STXBP5L: variants seen among roughly 807,000 people sequenced by gnomAD.
The protein encoded by STXBP5L is syntaxin binding protein 5L.
Under a neutral mutation model 144.5 loss-of-function variants are expected in STXBP5L, and 65 were observed. The ratio of observed to expected loss-of-function variants is 0.45; its 90% CI spans 0.37 to 0.55. The LOEUF is 0.55. Among genes scored for constraint, STXBP5L ranks in the 20% least tolerant of loss-of-function variants. The probability of loss-of-function intolerance (pLI) is 0.00; values close to 1 mark genes in which losing one functional copy is unlikely to be tolerated. For missense variants in STXBP5L, 1,298 were observed against 1,405.5 expected (o/e 0.92, Z 1.22); for synonymous variants, 505 against 469.6 (o/e 1.08, Z -0.97).
chr3:121,340,301 TA>T (rs1428234528), intron 20 of STXBP5L, among the ~76,000 whole-genome samples: 2 of 152,044 alleles, frequency 1.3e-5, no homozygotes, highest in African/African-American at 4.8e-5. Flanking sequence ...CATGGAATAT[TA>T]TTTTTTTCAA....
At chr3:121,329,263 C>T (rs2108554331) in intron 20 of STXBP5L, among the ~76,000 whole-genome samples, 1 of 152,236 alleles carries the variant, frequency 6.6e-6, no homozygotes, top group South Asian at 2.1e-4. Context: ...CATCTGTCAA[C>T]CTCTTGATGT....
chr3:121,368,417 G>C (rs1330332819), intron 20 of STXBP5L, among the ~76,000 whole-genome samples: 3 of 151,148 alleles, frequency 2.0e-5, no homozygotes, highest in African/African-American at 7.3e-5. Context: ...AGTTCTTTAA[G>C]CATCATTAAG....
intron 19 of STXBP5L, among the ~76,000 whole-genome samples, chr3:121,283,680 A>G (rs2051134827): frequency 6.6e-6 from 1 of 152,054 alleles, no homozygotes; most frequent in African/African-American, 2.4e-5. Context: ...CTATATGCCC[A>G]CAAGGCCTAA....
At chr3:121,344,392 G>T (rs1277074818) in intron 20 of STXBP5L, among the ~76,000 whole-genome samples, 1 of 152,050 alleles carries the variant, frequency 6.6e-6, no homozygotes, top group Non-Finnish European at 1.5e-5. Flanking sequence ...AGCCAAAATT[G>T]ACAAATGGGA....
intron 20 of STXBP5L, among the ~76,000 whole-genome samples, chr3:121,352,552 G>T (rs968782360): frequency 6.6e-6 from 1 of 152,114 alleles, no homozygotes; most frequent in Non-Finnish European, 1.5e-5. Context: ...AGACTTTGCT[G>T]AAGTTGCTTA....
chr3:120,955,723 CA>C (rs1937952175), intron 3 of STXBP5L, among the ~76,000 whole-genome samples: 1 of 151,916 alleles, frequency 6.6e-6, no homozygotes, highest in Non-Finnish European at 1.5e-5. Context: ...TGACATTATA[CA>C]ATCAAGATAC....
intron 3 of STXBP5L, among the ~76,000 whole-genome samples, chr3:121,015,911 T>G (rs1945113248): frequency 6.6e-6 from 1 of 152,180 alleles, no homozygotes; most frequent in Admixed American, 6.5e-5. Context: ...GACTGAGATT[T>G]AATCATAAAA....
intron 3 of STXBP5L, among the ~76,000 whole-genome samples, chr3:120,986,534 T>C (rs540763085): frequency 9.9e-5 from 15 of 152,116 alleles, no homozygotes; most frequent in African/African-American, 2.9e-4. Context: ...TATATTTTGA[T>C]GGTCTGTCAT....
chr3:120,979,416 G>A (rs1424257271), intron 3 of STXBP5L, among the ~76,000 whole-genome samples: 1 of 152,178 alleles, frequency 6.6e-6, no homozygotes, highest in Non-Finnish European at 1.5e-5. Context: ...CAGTATTAGG[G>A]TGGGCGTGAC....
At chr3:121,018,810 C>T (rs775183966) in intron 3 of STXBP5L, among the ~76,000 whole-genome samples, 1 of 152,176 alleles carries the variant, frequency 6.6e-6, no homozygotes, top group Non-Finnish European at 1.5e-5. Context: ...TGGAGACCCA[C>T]ATCATGAACT....
In STXBP5L at chr3:121,133,613, A is replaced by T. The variant is rs540689237; in HGVS notation, c.669+11909A>T. ...AGGAAGTTTACCACCACTAGATTTG[A>T]CTCGCAAGAAATGCTAAAGAGTTCT... is the stretch of plus-strand genomic sequence containing the variant. On this transcript the variant is annotated intron_variant, in intron 7 of 26. Transcript: ENST00000471454. Among the ~76,000 whole-genome samples, 3 of 152,190 alleles carry T rather than the reference A, an allele frequency of 2.0e-5. No individual in the cohort carries two copies. In the South Asian group the frequency reaches 6.2e-4, roughly 31 times the overall value.
chr3:121,310,525 G>C (rs974004991), intron 19 of STXBP5L, among the ~76,000 whole-genome samples: 3 of 151,756 alleles, frequency 2.0e-5, no homozygotes, highest in African/African-American at 7.3e-5. Flanking sequence ...TGAGGCAGGA[G>C]AGGGGCATGA....
At chr3:121,083,340 C>T (rs2042338679) in intron 5 of STXBP5L, among the ~76,000 whole-genome samples, 1 of 152,104 alleles carries the variant, frequency 6.6e-6, no homozygotes, top group Non-Finnish European at 1.5e-5. Flanking sequence ...CGTTTTCCCT[C>T]TTGTATTTTC....
chr3:121,140,142 AAC>A (rs138522244), intron 7 of STXBP5L, among the ~76,000 whole-genome samples: 38,179 of 151,958 alleles, frequency 0.25, 4,936 homozygotes, highest in African/African-American at 0.28. Flanking sequence ...ATAAATGGCC[AAC>A]AAGTATATAG....
chr3:120,947,558 C>A lies in STXBP5L; in HGVS notation c.190-7382C>A, dbSNP rs1353578001. ...AGAGTTGTGCAACAACCTCCACGAT[C>A]AATTTTAGAACATTTCCATCAGTCC... is the stretch of plus-strand genomic sequence containing the variant. On this transcript the variant is annotated intron_variant, in intron 2 of 26. Transcript: ENST00000471454. Among the ~76,000 whole-genome samples, 22 of 151,782 alleles carry A rather than the reference C, an allele frequency of 1.4e-4. No homozygotes were observed. The Admixed American group carries it at 1.5e-3, about 10-fold the overall frequency.
At chr3:120,988,657 T>C (rs1942534229) in intron 3 of STXBP5L, among the ~76,000 whole-genome samples, 1 of 152,152 alleles carries the variant, frequency 6.6e-6, no homozygotes, top group African/African-American at 2.4e-5. Flanking sequence ...ATATCCTTGC[T>C]AATTTTCTTT....
At chr3:121,030,724 T>C (rs919266898) in intron 3 of STXBP5L, among the ~76,000 whole-genome samples, 2 of 152,064 alleles carry the variant, frequency 1.3e-5, no homozygotes, top group Admixed American at 6.6e-5. Flanking sequence ...CTAGAACTAC[T>C]GATCAGAAAT....
At chr3:121,151,915 G>T (rs1237006912) in intron 7 of STXBP5L, among the ~76,000 whole-genome samples, 1 of 151,462 alleles carries the variant, frequency 6.6e-6, no homozygotes, top group Non-Finnish European at 1.5e-5. Flanking sequence ...CTATTTTAAA[G>T]AAATATTTTA....
intron 5 of STXBP5L, among the ~76,000 whole-genome samples, chr3:121,101,918 A>G (rs1000744931): frequency 1.3e-5 from 2 of 151,982 alleles, no homozygotes; most frequent in Admixed American, 1.3e-4. Context: ...CTATCTACCA[A>G]TAATGTTCAA....
Sources: allele counts gnomAD v4.1 joint callset (sites outside exome capture counted in the v4.1 genomes callset), GRCh38; gene constraint gnomAD v4.1.1; transcripts MANE v1.5; gene names NCBI Gene and HGNC (gene_info 2026-07-23, HGNC 2026-07-21).